The following ESRRG variants were observed in gnomAD, a reference collection of about 807,000 sequenced individuals.
ESRRG encodes the protein estrogen related receptor gamma.
Under a neutral mutation model 44.0 loss-of-function variants are expected in ESRRG, and 13 were observed. The ratio of observed to expected loss-of-function variants is 0.30; its 90% CI spans 0.19 to 0.47. The LOEUF (loss-of-function observed/expected upper bound fraction) is 0.47. Ranked by LOEUF, ESRRG falls within the 20% of genes least tolerant of loss-of-function variation. ESRRG has a pLI of 1.00. For missense variants in ESRRG, 395 were observed against 580.6 expected, an observed-to-expected ratio of 0.68 and a Z score of 3.29; for synonymous variants, 215 against 214.6, an observed-to-expected ratio of 1.00 and a Z score of -0.02.
At chr1:216,685,927 T>C (rs1461490877) in intron 1 of ESRRG, among the ~76,000 whole-genome samples, 1 of 152,164 alleles carries the variant, frequency 6.6e-6, no homozygotes, top group East Asian at 1.9e-4. Flanking sequence ...TGAATCACAG[T>C]GTTGAGAAAA....
intron 2 of ESRRG, among the ~76,000 whole-genome samples, chr1:216,776,401 G>A (rs6686952): frequency 0.76 from 115,900 of 151,872 alleles, 44,714 homozygotes; most frequent in African/African-American, 0.88. Context: ...GTTGCATCCC[G>A]AGGTGGTCCC....
intron 5 of ESRRG, among the ~76,000 whole-genome samples, chr1:216,527,232 A>G (rs1371534568): frequency 6.6e-6 from 1 of 152,174 alleles, no homozygotes; most frequent in African/African-American, 2.4e-5. Flanking sequence ...TCCTAAATGT[A>G]TCCATATCCA....
intron 2 of ESRRG, among the ~76,000 whole-genome samples, chr1:216,784,095 G>T (rs1484956582): frequency 2.0e-5 from 3 of 151,970 alleles, no homozygotes; most frequent in African/African-American, 7.2e-5. Context: ...ATTAAAAACA[G>T]TGTTTGGCCA....
At chr1:217,085,515 G>A (rs1456335145) in intron 1 of ESRRG, among the ~76,000 whole-genome samples, 6 of 85,604 alleles carry the variant, frequency 7.0e-5, no homozygotes, top group South Asian at 4.1e-4. Context: ...TTTTTTAGAC[G>A]AAGTCTCACT....
intron 3 of ESRRG, among the ~76,000 whole-genome samples, chr1:216,602,609 A>C (rs1403044819): frequency 6.6e-6 from 1 of 152,166 alleles, no homozygotes; most frequent in African/African-American, 2.4e-5. Flanking sequence ...AATGTTCCCA[A>C]GTGGATTGGT....
chr1:216,952,185 T>C (rs2067083477), intron 1 of ESRRG, among the ~76,000 whole-genome samples: 1 of 152,162 alleles, frequency 6.6e-6, no homozygotes, highest in Non-Finnish European at 1.5e-5. Flanking sequence ...AATGCTGATT[T>C]GGGGCTCAGA....
chr1:216,897,954 A>G (rs969784288), intron 2 of ESRRG, among the ~76,000 whole-genome samples: 2 of 152,186 alleles, frequency 1.3e-5, no homozygotes, highest in African/African-American at 4.8e-5. Context: ...GACCTTGGGC[A>G]GAGCCTGGCT....
intron 2 of ESRRG, among the ~76,000 whole-genome samples, chr1:216,936,233 G>A (rs2064131679): frequency 6.6e-6 from 1 of 152,120 alleles, no homozygotes; most frequent in Non-Finnish European, 1.5e-5. Flanking sequence ...CAACCTCATA[G>A]TAGATGTTTG....
intron 2 of ESRRG, among the ~76,000 whole-genome samples, chr1:216,894,027 A>G (rs949020986): frequency 2.6e-5 from 4 of 152,224 alleles, no homozygotes; most frequent in Non-Finnish European, 5.9e-5. Context: ...TCCAAAATGC[A>G]TGTTGGCTTC....
chr1:216,815,665 C>T (rs754922342), intron 2 of ESRRG, among the ~76,000 whole-genome samples: 1 of 152,132 alleles, frequency 6.6e-6, no homozygotes, highest in Non-Finnish European at 1.5e-5. Context: ...CCAACTGAAC[C>T]CGAGACATTT....
At chr1:216,609,023 C>T (rs2150277227) in intron 3 of ESRRG, among the ~76,000 whole-genome samples, 1 of 152,254 alleles carries the variant, frequency 6.6e-6, no homozygotes, top group Admixed American at 6.5e-5. Flanking sequence ...TTTCTTTCAC[C>T]TTCTCTTTTG....
At chr1:217,035,482 A>AT (rs202101779) in intron 1 of ESRRG, among the ~76,000 whole-genome samples, 205 of 152,068 alleles carry the variant, frequency 1.3e-3, no homozygotes, top group Non-Finnish European at 2.0e-3. Flanking sequence ...AAGGAGGCCT[A>AT]TTTTTTTACT....
rs116106064 is a variant in ESRRG, at chr1:216,880,000, G to A, written c.-14+59582C>T. Among the ~76,000 whole-genome samples the A allele has an allele frequency of 4.0e-3, 603 of 152,076 alleles. 2 individuals carry two copies. The highest frequency in any genetic ancestry group is 6.4e-3 in the Non-Finnish European group (434 of 67,990). On this transcript the variant is annotated intron_variant, in intron 2 of 7. Transcript: ENST00000359162. Reference sequence around the variant, plus strand: ...TTATTTAAAATTATTGTAAATAAAAGTAAACTACTTTAAAAAGATAAACTA... The same window carrying A: ...TTATTTAAAATTATTGTAAATAAAAATAAACTACTTTAAAAAGATAAACTA...
intron 3 of ESRRG, among the ~76,000 whole-genome samples, chr1:216,635,212 A>T (rs2065054249): frequency 6.6e-6 from 1 of 151,722 alleles, no homozygotes; most frequent in Non-Finnish European, 1.5e-5. Flanking sequence ...GGAAGGAGAA[A>T]GAGCAGAGAA....
intron 1 of ESRRG, among the ~76,000 whole-genome samples, chr1:217,096,298 G>C (rs1034272547): frequency 2.6e-5 from 4 of 152,124 alleles, no homozygotes; most frequent in Non-Finnish European, 5.9e-5. Context: ...TGGCAACCAG[G>C]TTCAACTGGA....
chr1:216,506,615 G>T lies in ESRRG; in HGVS notation c.*324C>A. 2.0e-6 allele frequency: 1 copy of T among 488,330 alleles called. No homozygotes were observed. Among genetic ancestry groups the T allele is most frequent in the Middle Eastern group, 3.1e-4 (1 of 3,264 alleles). 30.2% of individuals were successfully genotyped at this position (488,330 alleles called of 1,614,324 possible). A position where few individuals can be genotyped will look rare whatever the true frequency, so the allele number is the denominator to read the frequency against. ...GTAAAGAAAAGAAAGAAGGCAGGCA[G>T]ACGGGAAGAAAATAAAGGAGAATGG... On this transcript the variant is annotated 3_prime_UTR_variant, in exon 7 of 7. Coordinates refer to ENST00000408911, the MANE Select transcript of ESRRG (RefSeq NM_001438.4).
At chr1:216,572,037 A>G (rs2060901691) in intron 3 of ESRRG, among the ~76,000 whole-genome samples, 1 of 152,078 alleles carries the variant, frequency 6.6e-6, no homozygotes, top group Admixed American at 6.5e-5. Flanking sequence ...TCCAACTCCA[A>G]CTTTTTCAAT....
intron 2 of ESRRG, among the ~76,000 whole-genome samples, chr1:216,893,849 G>A (rs1159209927): frequency 2.0e-5 from 3 of 152,104 alleles, no homozygotes; most frequent in South Asian, 2.1e-4. Context: ...TTGAAGGAAG[G>A]CTGCTTCATG....
chr1:216,617,251 C>T (rs1424210358), intron 3 of ESRRG, among the ~76,000 whole-genome samples: 1 of 152,060 alleles, frequency 6.6e-6, no homozygotes, highest in Non-Finnish European at 1.5e-5. Context: ...CCAAACGCCA[C>T]TTGAGAATGC....
Sources: gnomAD v4.1 joint callset for allele counts (sites outside exome capture counted in the v4.1 genomes callset) on GRCh38, gnomAD v4.1.1 for gene constraint, MANE v1.5 for transcripts, NCBI Gene and HGNC (gene_info 2026-07-23, HGNC 2026-07-21) for gene names.